The following TMEM132C variants were observed in gnomAD, a reference collection of about 807,000 sequenced individuals.
TMEM132C encodes the protein transmembrane protein 132C, also known as protein phosphatase 1, regulatory subunit 152.
A neutral mutation model predicts 61.4 loss-of-function variants in TMEM132C; 29 were observed. The ratio of observed to expected loss-of-function variants is 0.47; its 90% confidence interval spans 0.35 to 0.64. TMEM132C has a LOEUF of 0.64. TMEM132C is among the 30% of genes least tolerant of loss of function. The pLI, the probability that TMEM132C is intolerant of heterozygous loss-of-function variation, is 0.00. For missense variants in TMEM132C, 1,408 were observed against 1,476.9 expected (o/e 0.95, Z 0.76); for synonymous variants, 656 against 633.1 (o/e 1.04, Z -0.54).
intron 1 of TMEM132C, among the ~76,000 whole-genome samples, chr12:128,284,675 C>T (rs1427509389): frequency 6.6e-6 from 1 of 152,186 alleles, no homozygotes; most frequent in Non-Finnish European, 1.5e-5. Context: ...ATAAATAAGA[C>T]AATTTCTACC....
intron 3 of TMEM132C, among the ~76,000 whole-genome samples, chr12:128,605,204 G>T (rs373660377): frequency 2.0e-5 from 3 of 152,062 alleles, no homozygotes; most frequent in Non-Finnish European, 4.4e-5. Flanking sequence ...GGCAAGTCCC[G>T]AAAACTGCAG....
intron 1 of TMEM132C, among the ~76,000 whole-genome samples, chr12:128,392,309 A>G (rs760445151): frequency 4.6e-5 from 7 of 152,214 alleles, no homozygotes; most frequent in Non-Finnish European, 7.3e-5. Flanking sequence ...CTGCACCTTC[A>G]TCGTGCCTGA....
intron 2 of TMEM132C, among the ~76,000 whole-genome samples, chr12:128,531,837 C>CG (rs1873320117): frequency 6.6e-6 from 1 of 152,024 alleles, no homozygotes; most frequent in African/African-American, 2.4e-5. Context: ...CAGTGCCCCC[C>CG]TCACCCCACT....
At chr12:128,640,277 A>G (rs1020004812) in intron 4 of TMEM132C, among the ~76,000 whole-genome samples, 2 of 152,264 alleles carry the variant, frequency 1.3e-5, no homozygotes, top group South Asian at 4.1e-4. Context: ...TCTCAGTTCA[A>G]GAGTACTGCA....
chr12:128,625,075 G>A (rs781710056), intron 4 of TMEM132C, among the ~76,000 whole-genome samples: 18 of 152,190 alleles, frequency 1.2e-4, no homozygotes, highest in Non-Finnish European at 2.5e-4. Context: ...CACCCTGCAG[G>A]GGTCCTGAGG....
At chr12:128,489,536 C>A (rs1593071764) in intron 2 of TMEM132C, among the ~76,000 whole-genome samples, 1 of 135,286 alleles carries the variant, frequency 7.4e-6, no homozygotes. Flanking sequence ...AAGCTGATGT[C>A]CCTCCATTAT....
chr12:128,428,121 A>G (rs868802906), intron 2 of TMEM132C, among the ~76,000 whole-genome samples: 8 of 152,116 alleles, frequency 5.3e-5, no homozygotes, highest in African/African-American at 1.9e-4. Flanking sequence ...ACGCCATGCA[A>G]TCCTCTCAAC....
chr12:128,355,117 C>T (rs1433904634), intron 1 of TMEM132C, among the ~76,000 whole-genome samples: 2 of 152,116 alleles, frequency 1.3e-5, no homozygotes, highest in Non-Finnish European at 2.9e-5. Flanking sequence ...GAAGAGAAAA[C>T]CCTTTTGAGA....
At chr12:128,539,879 T>C (rs1873673781) in intron 2 of TMEM132C, among the ~76,000 whole-genome samples, 3 of 152,216 alleles carry the variant, frequency 2.0e-5, no homozygotes, top group Non-Finnish European at 4.4e-5. Flanking sequence ...TTCATTGTGC[T>C]GATCACATAG....
At chr12:128,295,299 A>G (rs1871371205) in intron 1 of TMEM132C, among the ~76,000 whole-genome samples, 1 of 152,130 alleles carries the variant, frequency 6.6e-6, no homozygotes, top group South Asian at 2.1e-4. Context: ...AGTCTCCCAA[A>G]GTTATGGGAT....
chr12:128,622,296 A>G (rs549158485), intron 4 of TMEM132C, among the ~76,000 whole-genome samples: 1 of 139,680 alleles, frequency 7.2e-6, no homozygotes, highest in South Asian at 2.5e-4. Context: ...CTGAGCCAAG[A>G]TGGTACCACT....
At chr12:128,641,292 C>T (rs914464923) in intron 4 of TMEM132C, among the ~76,000 whole-genome samples, 2 of 152,186 alleles carry the variant, frequency 1.3e-5, no homozygotes, top group Non-Finnish European at 2.9e-5. Context: ...GACATGTCCC[C>T]CCAGTGTCCC....
At position 128,669,543 on chromosome 12, in the gene TMEM132C, G is replaced by A. The variant is rs1453030193; in HGVS notation, c.1432G>A (p.Asp478Asn). 1 of 1,551,580 alleles carries A rather than the reference G, an allele frequency of 6.4e-7. No homozygotes were observed. The highest frequency in any genetic ancestry group is 1.2e-5 in the South Asian group (1 of 83,998). Residue 478 changes from aspartate (D) to asparagine (N), a missense_variant, in exon 5 of 9, where the codon GAC becomes AAC. Transcript: ENST00000435159. Reference sequence around the variant, plus strand: ...AGAGTCGGTGGAGTGCAAGTCCACAGACGAGGACGTTATCAAAGTAAGTCA... The same window carrying A: ...AGAGTCGGTGGAGTGCAAGTCCACAAACGAGGACGTTATCAAAGTAAGTCA... ...ISESVECKST[D>N]EDVIKVSERC...
intron 3 of TMEM132C, among the ~76,000 whole-genome samples, chr12:128,554,153 G>A (rs1041582036): frequency 6.6e-6 from 1 of 152,244 alleles, no homozygotes; most frequent in Non-Finnish European, 1.5e-5. Context: ...ACTTGTAATT[G>A]TAGGACTGAA....
chr12:128,328,927 G>C (rs1313580312), intron 1 of TMEM132C, among the ~76,000 whole-genome samples: 5 of 152,094 alleles, frequency 3.3e-5, no homozygotes, highest in Non-Finnish European at 5.9e-5. Flanking sequence ...CTGTTGTGAT[G>C]CATCCCTGCC....
intron 3 of TMEM132C, among the ~76,000 whole-genome samples, chr12:128,606,512 AT>A (rs1876432356): frequency 6.6e-6 from 1 of 152,096 alleles, no homozygotes; most frequent in Admixed American, 6.5e-5. Flanking sequence ...GCAGTGGGAG[AT>A]TTCCCATTTT....
At chr12:128,322,972 C>G (rs1872384130) in intron 1 of TMEM132C, among the ~76,000 whole-genome samples, 1 of 152,146 alleles carries the variant, frequency 6.6e-6, no homozygotes, top group Non-Finnish European at 1.5e-5. Flanking sequence ...CATATATTTT[C>G]AAGTGCCTGC....
At chr12:128,656,153 C>T (rs557870427) in intron 4 of TMEM132C, among the ~76,000 whole-genome samples, 25 of 152,310 alleles carry the variant, frequency 1.6e-4, no homozygotes, top group Non-Finnish European at 2.5e-4. Context: ...CGGGCACAAG[C>T]GATTCTCCTC....
chr12:128,338,964 C>T (rs1285569640), intron 1 of TMEM132C, among the ~76,000 whole-genome samples: 1 of 151,950 alleles, frequency 6.6e-6, no homozygotes, highest in Non-Finnish European at 1.5e-5. Flanking sequence ...AGCAGGAGAT[C>T]CTTAAGGAGG....
Sources: allele counts gnomAD v4.1 joint callset (sites outside exome capture counted in the v4.1 genomes callset), GRCh38; gene constraint gnomAD v4.1.1; transcripts MANE v1.5; gene names NCBI Gene and HGNC (gene_info 2026-07-23, HGNC 2026-07-21).